The following BTRC variants were observed in gnomAD, a reference collection of about 807,000 sequenced individuals.
BTRC encodes beta-transducin repeat containing E3 ubiquitin protein ligase, also known as F-box/WD repeat-containing protein 1A.
A neutral mutation model predicts 85.5 loss-of-function variants in BTRC; 42 were observed. The ratio of observed to expected loss-of-function variants is 0.49; its 90% CI spans 0.38 to 0.64. The LOEUF is 0.64. Among genes scored for constraint, BTRC ranks in the 30% least tolerant of loss-of-function variants. The probability of loss-of-function intolerance (pLI) is 0.00; values close to 1 mark genes in which losing one functional copy is unlikely to be tolerated. For synonymous variants in BTRC, 255 were observed against 263.3 expected (o/e 0.97, Z 0.30); for missense variants, 594 against 743.5 (o/e 0.80, Z 2.34).
chr10:101,526,962 T>C (rs2062201724), intron 6 of BTRC, among the ~76,000 whole-genome samples: 1 of 152,252 alleles, frequency 6.6e-6, no homozygotes, highest in Non-Finnish European at 1.5e-5. Flanking sequence ...GTTGTTCTCT[T>C]AACAGTACTA....
chr10:101,369,520 T>C (rs1300966944), intron 1 of BTRC, among the ~76,000 whole-genome samples: 2 of 152,234 alleles, frequency 1.3e-5, no homozygotes, highest in Non-Finnish European at 2.9e-5. Context: ...GCTCTTCTTA[T>C]ACTTTTTTTG....
At chr10:101,381,836 CAA>C (rs1303784138) in intron 1 of BTRC, among the ~76,000 whole-genome samples, 5 of 151,882 alleles carry the variant, frequency 3.3e-5, no homozygotes, top group Non-Finnish European at 7.4e-5. Flanking sequence ...TTTCTAAGAA[CAA>C]GAGCATCCTT....
rs577152835 is a variant in BTRC at position 101,541,793 on chromosome 10, G to GTA, written c.1656+3425_1656+3426dup. Among the ~76,000 whole-genome samples, 13 of 152,136 alleles carry GTA rather than the reference G, an allele frequency of 8.5e-5. No homozygotes were observed. The East Asian group carries it at 2.5e-3, about 29-fold the overall frequency. On this transcript the variant is annotated intron_variant, in intron 13 of 14. Coordinates refer to ENST00000370187, the MANE Select transcript of BTRC (RefSeq NM_033637.4). ...GGTATAAACACCACTTGTTCATGAG[G>GTA]TATAATTCTTTTTATGTGTTGTTGG...
At chr10:101,407,332 T>G (rs1475062620) in intron 1 of BTRC, among the ~76,000 whole-genome samples, 3 of 152,194 alleles carry the variant, frequency 2.0e-5, no homozygotes, top group Non-Finnish European at 4.4e-5. Context: ...TGGTTGACAA[T>G]GAGACCATGT....
At chr10:101,490,104 A>AT (rs11450967) in intron 4 of BTRC, among the ~76,000 whole-genome samples, 55,635 of 149,886 alleles carry the variant, frequency 0.37, 11,368 homozygotes, top group Middle Eastern at 0.49. Context: ...TCCCACCCCC[A>AT]TTTTTTTTTC....
intron 4 of BTRC, among the ~76,000 whole-genome samples, chr10:101,488,044 T>G (rs1946035564): frequency 6.6e-6 from 1 of 152,188 alleles, no homozygotes; most frequent in South Asian, 2.1e-4. Context: ...CAGCATACTT[T>G]CTTTGGCATT....
At chr10:101,513,230 A>T (rs2061979314) in intron 4 of BTRC, among the ~76,000 whole-genome samples, 1 of 152,222 alleles carries the variant, frequency 6.6e-6, no homozygotes, top group South Asian at 2.1e-4. Flanking sequence ...TTAGTTACAA[A>T]TAAAATTCAT....
chr10:101,432,770 C>T (rs1035926342), intron 2 of BTRC, among the ~76,000 whole-genome samples: 2 of 152,134 alleles, frequency 1.3e-5, no homozygotes, highest in Admixed American at 6.5e-5. Flanking sequence ...GGCAGAATCT[C>T]GGAAGGATCC....
intron 1 of BTRC, among the ~76,000 whole-genome samples, chr10:101,418,698 T>A (rs886913553): frequency 6.6e-6 from 1 of 151,846 alleles, no homozygotes; most frequent in Non-Finnish European, 1.5e-5. Context: ...AAACAAAAAT[T>A]ATTATTATTA....
intron 2 of BTRC, among the ~76,000 whole-genome samples, chr10:101,456,398 C>G (rs1039125136): frequency 2.0e-5 from 3 of 150,714 alleles, no homozygotes; most frequent in Non-Finnish European, 4.4e-5. Context: ...TAGATATGTT[C>G]AAAGAAAAAA....
chr10:101,519,234 A>G (rs2062067784), intron 4 of BTRC, among the ~76,000 whole-genome samples: 1 of 151,908 alleles, frequency 6.6e-6, no homozygotes, highest in South Asian at 2.1e-4. Flanking sequence ...ACCCGCCACC[A>G]CACCTGGCTA....
chr10:101,504,093 TCA>T (rs996015903), intron 4 of BTRC, among the ~76,000 whole-genome samples: 1 of 152,176 alleles, frequency 6.6e-6, no homozygotes, highest in Non-Finnish European at 1.5e-5. Context: ...CAGAAGACTC[TCA>T]GTTTCAACTT....
intron 1 of BTRC, among the ~76,000 whole-genome samples, chr10:101,418,037 A>G (rs982337715): frequency 6.6e-6 from 1 of 152,184 alleles, no homozygotes; most frequent in African/African-American, 2.4e-5. Context: ...CTATTATTAC[A>G]TAACAAATTA....
chr10:101,354,420 G>A, intron 1 of BTRC, 192 bp downstream of exon 1: 1 of 614,686 alleles, frequency 1.6e-6, no homozygotes, highest in South Asian at 2.3e-5. Context: ...AGGGGTGGGG[G>A]CAGCGGCTCC....
At chr10:101,443,690 T>A (rs1944750820) in intron 2 of BTRC, among the ~76,000 whole-genome samples, 1 of 152,220 alleles carries the variant, frequency 6.6e-6, no homozygotes, top group South Asian at 2.1e-4. Flanking sequence ...TTCTTCATTG[T>A]GAGATTGAGG....
chr10:101,409,220 A>G (rs1422786275), intron 1 of BTRC, among the ~76,000 whole-genome samples: 3 of 152,212 alleles, frequency 2.0e-5, no homozygotes, highest in African/African-American at 4.8e-5. Context: ...TCCAGTAAGC[A>G]GTTTCTTTCT....
chr10:101,383,877 A>G (rs901467410), intron 1 of BTRC, among the ~76,000 whole-genome samples: 7 of 151,988 alleles, frequency 4.6e-5, no homozygotes, highest in Non-Finnish European at 8.8e-5. Flanking sequence ...TATTTTATCT[A>G]TTTATTTATT....
intron 3 of BTRC, among the ~76,000 whole-genome samples, chr10:101,471,607 C>G (rs967457343): frequency 3.3e-5 from 5 of 152,116 alleles, no homozygotes; most frequent in Non-Finnish European, 7.3e-5. Context: ...ATTGGGAAAT[C>G]TTCCTCCCAT....
chr10:101,415,391 G>T (rs1241640653), intron 1 of BTRC, among the ~76,000 whole-genome samples: 1 of 151,332 alleles, frequency 6.6e-6, no homozygotes, highest in African/African-American at 2.4e-5. Context: ...GCCCAGGCTG[G>T]TCTTGAACTC....
Sources: gnomAD v4.1 joint callset for allele counts (sites outside exome capture counted in the v4.1 genomes callset) on GRCh38, gnomAD v4.1.1 for gene constraint, MANE v1.5 for transcripts, NCBI Gene and HGNC (gene_info 2026-07-23, HGNC 2026-07-21) for gene names.